RAB15: variants seen among roughly 807,000 people sequenced by gnomAD.
The protein encoded by RAB15 is ras-related protein Rab-15.
Under a neutral mutation model 31.8 loss-of-function variants are expected in RAB15, and 13 were observed. The ratio of observed to expected loss-of-function variants is 0.41; its 90% CI spans 0.27 to 0.65. The LOEUF (loss-of-function observed/expected upper bound fraction) is 0.65, where lower values mean the gene tolerates loss of function less well. Among genes scored for constraint, RAB15 ranks in the 30% least tolerant of loss-of-function variants. RAB15 has a pLI of 0.32. For synonymous variants in RAB15, 100 were observed against 105.6 expected (o/e 0.95, Z 0.33); for missense variants, 220 against 277.3 (o/e 0.79, Z 1.47).
In RAB15 at chr14:64,952,733, G is replaced by A. The variant is rs1291092278; in HGVS notation, c.125-162C>T. 6.6e-6 allele frequency among the ~76,000 whole-genome samples: 1 copy of A among 152,212 alleles called. No individual in the cohort carries two copies. Among genetic ancestry groups the A allele is most frequent in the African/African-American group, 2.4e-5 (1 of 41,452 alleles). ...TTAAGCAGAAACTGACCTTAAGGAA[G>A]TATCTGAAGCTTTGAAAGGGGCTTT... On this transcript the variant is annotated intron_variant, in intron 1 of 6. Coordinates refer to ENST00000533601, the MANE Select transcript of RAB15 (RefSeq NM_001308154.2). The surrounding 1 kb of genome is among the most constrained non-coding windows in gnomAD (Gnocchi z 4.2).
At position 64,950,494 on chromosome 14, in the gene RAB15, CA is replaced by C; in HGVS notation, c.325-81del. 1 of 1,146,090 alleles carries C rather than the reference CA, an allele frequency of 8.7e-7. No individual in the cohort carries two copies. Among genetic ancestry groups the C allele is most frequent in the Non-Finnish European group, 1.3e-6 (1 of 760,324 alleles). 71.0% of individuals were successfully genotyped at this position (1,146,090 alleles called of 1,614,324 possible). On this transcript the variant is annotated intron_variant, in intron 4 of 6. Transcript: ENST00000533601. This position sits in a 1 kb window ranked among gnomAD's most constrained non-coding sequence, Gnocchi z 5.6. Reference sequence around the variant, plus strand: ...TTCCCTACAGAGTCTGCACTGCCTCCAGCCCACCACCAATTCCAGAGCCCTA... The same window carrying C: ...TTCCCTACAGAGTCTGCACTGCCTCCGCCCACCACCAATTCCAGAGCCCTA...
chr14:64,949,519 G>A (rs546351813), intron 5 of RAB15, among the ~76,000 whole-genome samples: 2 of 152,150 alleles, frequency 1.3e-5, no homozygotes, highest in South Asian at 4.2e-4. Context: ...TTAGGAGTTC[G>A]AGACCGGCCT....
In RAB15 at chr14:64,950,523, G is replaced by A. The variant is rs1006489846; in HGVS notation, c.325-109C>T. The A allele has an allele frequency of 5.3e-6, 5 of 943,054 alleles. No individual in the cohort carries two copies. The highest frequency in any genetic ancestry group is 6.9e-6 in the Non-Finnish European group (4 of 583,436). 58.4% of individuals were successfully genotyped at this position (943,054 alleles called of 1,614,324 possible). On this transcript the variant is annotated intron_variant, in intron 4 of 6. Coordinates refer to ENST00000533601, the MANE Select transcript of RAB15 (RefSeq NM_001308154.2). The surrounding 1 kb of genome is among the most constrained non-coding windows in gnomAD (Gnocchi z 5.6). The stretch of plus-strand genomic sequence containing the variant: ...CCACCACCAATTCCAGAGCCCTAGG[G>A]ACAGGGTGGGCCGACTGGATGCAGG...
chr14:64,950,224 A>T lies in RAB15; in HGVS notation c.414+101T>A. 1.1e-6 allele frequency: 1 copy of T among 940,402 alleles called. No homozygotes were observed. Among genetic ancestry groups the T allele is most frequent in the Admixed American group, 1.7e-5 (1 of 58,660 alleles). 58.3% of individuals were successfully genotyped at this position (940,402 alleles called of 1,614,324 possible). A position where few individuals can be genotyped will look rare whatever the true frequency, so the allele number is the denominator to read the frequency against. On this transcript the variant is annotated intron_variant, in intron 5 of 6. Coordinates refer to ENST00000533601, the MANE Select transcript of RAB15 (RefSeq NM_001308154.2). This position sits in a 1 kb window ranked among gnomAD's most constrained non-coding sequence, Gnocchi z 5.6. ...TGGGGTGCTGGGGACGTGTGGGAGG[A>T]CCTGCCACTGGGGAACACACCCCTA...
At chr14:64,949,766 T>TTGGTTA (rs1886143314) in intron 5 of RAB15, among the ~76,000 whole-genome samples, 2 of 147,764 alleles carry the variant, frequency 1.4e-5, no homozygotes, top group Admixed American at 1.3e-4. Context: ...AAATAACCAA[T>TTGGTTA]ATTTCTTTCT....
rs1345369187 is a variant in RAB15 at position 64,948,959 on chromosome 14, G to A, written c.415-226C>T. Among the ~76,000 whole-genome samples, 7 of 152,110 alleles carry A rather than the reference G, an allele frequency of 4.6e-5. No homozygotes were observed. The highest frequency in any genetic ancestry group is 1.2e-4 in the African/African-American group (5 of 41,420). On this transcript the variant is annotated intron_variant, in intron 5 of 6. Transcript: ENST00000533601. This position sits in a 1 kb window ranked among gnomAD's most constrained non-coding sequence, Gnocchi z 7.0. ...TCCATTCTTCCAGCTGCCACCCCACGCCTCCCAACACACAATCATATATCA... is the reference window on the plus strand; with the variant it reads ...TCCATTCTTCCAGCTGCCACCCCACACCTCCCAACACACAATCATATATCA...
At position 64,951,456 on chromosome 14, in the gene RAB15, G is replaced by T; in HGVS notation, c.246+147C>A. ...GGCCATGAACAATGGACGGACAAAT[G>T]ATCAGTGAACAGCTGAAAGACGCCC... is the stretch of plus-strand genomic sequence containing the variant. On this transcript the variant is annotated intron_variant, in intron 3 of 6. Coordinates refer to ENST00000533601, the MANE Select transcript of RAB15 (RefSeq NM_001308154.2). This position sits in a 1 kb window ranked among gnomAD's most constrained non-coding sequence, Gnocchi z 7.2. 1 of 806,494 alleles carries T rather than the reference G, an allele frequency of 1.2e-6. No individual in the cohort carries two copies. The highest frequency in any genetic ancestry group is 2.2e-6 in the Non-Finnish European group (1 of 455,662). The allele number at this position is 806,494 out of a possible 1,614,324, so 50.0% of individuals were successfully genotyped here.
In RAB15 at chr14:64,949,119, A is replaced by G. The variant is rs570700921; in HGVS notation, c.415-386T>C. 2.6e-5 allele frequency among the ~76,000 whole-genome samples: 4 copies of G among 152,282 alleles called. No homozygotes were observed. In the South Asian group the frequency reaches 8.3e-4, roughly 32 times the overall value. On this transcript the variant is annotated intron_variant, in intron 5 of 6. Coordinates refer to ENST00000533601, the MANE Select transcript of RAB15 (RefSeq NM_001308154.2). ...CTGTGTGACCTTGGACAAGTTGTAC[A>G]TTCTCTGTAAGCCCCAGCTTTATCT... is the stretch of plus-strand genomic sequence containing the variant.
At position 64,951,087 on chromosome 14, in the gene RAB15, C is replaced by T. The variant is rs1403900017; in HGVS notation, c.311G>A (p.Ser104Asn). ...RSYQHIMKWV[S>N]DVDEYAPEGV... ...GGCATCTCCTACCTCATCCACGTCA[C>T]TGACCCACTTCATGATGTGCTGGTA... The change falls in exon 4 of 7, where the codon AGT becomes AAT. Residue 104 changes from serine to asparagine, a missense_variant. Physicochemically the swap from Ser to Asn is conservative, Grantham distance 46. Coordinates refer to ENST00000533601, the MANE Select transcript of RAB15 (RefSeq NM_001308154.2). This position sits in a 1 kb window ranked among gnomAD's most constrained non-coding sequence, Gnocchi z 7.2. 3.1e-6 allele frequency: 5 copies of T among 1,613,180 alleles called. No homozygotes were observed. Among genetic ancestry groups the T allele is most frequent in the Non-Finnish European group, 4.2e-6 (5 of 1,180,014 alleles).
rs141652722 is a variant in RAB15 at position 64,951,477 on chromosome 14, C to T, written c.246+126G>A. ...AAATGATCAGTGAACAGCTGAAAGA[C>T]GCCCTGCGCTCCTCCAAGCAGGCGA... On this transcript the variant is annotated intron_variant, in intron 3 of 6. Transcript: ENST00000533601. The surrounding 1 kb of genome is among the most constrained non-coding windows in gnomAD (Gnocchi z 7.2). 222 of 880,868 alleles carry T rather than the reference C, an allele frequency of 2.5e-4. 2 individuals carry two copies. In the African/African-American group the frequency reaches 2.7e-3, roughly 11 times the overall value. The allele number at this position is 880,868 out of a possible 1,614,324, so 54.6% of individuals were successfully genotyped here. A position where few individuals can be genotyped will look rare whatever the true frequency, so the allele number is the denominator to read the frequency against.
chr14:64,964,062 C>T (rs549287153), intron 1 of RAB15, among the ~76,000 whole-genome samples: 1 of 152,316 alleles, frequency 6.6e-6, no homozygotes, highest in South Asian at 2.1e-4. Flanking sequence ...CAGACTCTCA[C>T]TGCCTGGCAG....
rs1371457992 is a variant in RAB15 at position 64,946,042 on chromosome 14, G to A, written c.*2312C>T. On this transcript the variant is annotated 3_prime_UTR_variant, in exon 7 of 7. Transcript: ENST00000533601. ...CCAGCAGAGCCTGGTTAACAGTCTG[G>A]GCCTCAAGACATGCCCCAGGCCACC... 1.3e-5 allele frequency: 2 copies of A among 152,514 alleles called. No individual in the cohort carries two copies. The highest frequency in any genetic ancestry group is 2.9e-5 in the Non-Finnish European group (2 of 68,036). 9.4% of individuals were successfully genotyped at this position (152,514 alleles called of 1,614,324 possible).
At position 64,971,004 on chromosome 14, in the gene RAB15, A is replaced by G. The variant is rs1887386783; in HGVS notation, c.124+949T>C. The stretch of plus-strand genomic sequence containing the variant: ...GAGCATTCCAAATGGATGACCAGCC[A>G]GCCAGCAGGTGTTTCCAGGGGCCTG... On this transcript the variant is annotated intron_variant, in intron 1 of 6. Transcript: ENST00000533601. The surrounding 1 kb of genome is among the most constrained non-coding windows in gnomAD (Gnocchi z 4.1). Among the ~76,000 whole-genome samples, 2 of 152,192 alleles carry G rather than the reference A, an allele frequency of 1.3e-5. No homozygotes were observed. The highest frequency in any genetic ancestry group is 4.1e-4 in the South Asian group (2 of 4,830).
Position 64,948,520 on chromosome 14 carries a change from C to G in RAB15, c.481-8G>C, listed in dbSNP as rs768549070. 6.2e-7 allele frequency: 1 copy of G among 1,603,998 alleles called. No homozygotes were observed. Among genetic ancestry groups the G allele is most frequent in the Non-Finnish European group, 8.5e-7 (1 of 1,174,870 alleles). ...TGTCAGACGCGTGAATGACTGGAAA[C>G]CAAAGGGCACAGGTTAGTCCAGTGT... On this transcript the variant is annotated splice_polypyrimidine_tract_variant and splice_region_variant and intron_variant, in intron 6 of 6. Coordinates refer to ENST00000533601, the MANE Select transcript of RAB15 (RefSeq NM_001308154.2). The surrounding 1 kb of genome is among the most constrained non-coding windows in gnomAD (Gnocchi z 7.0).
In RAB15 at chr14:64,951,509, T is replaced by G. The variant is rs560853182; in HGVS notation, c.246+94A>C. The stretch of plus-strand genomic sequence containing the variant: ...CGCTCCTCCAAGCAGGCGAACTGTA[T>G]TTAGGGGATCCGTGGCACAGACATC... On this transcript the variant is annotated intron_variant, in intron 3 of 6. Coordinates refer to ENST00000533601, the MANE Select transcript of RAB15 (RefSeq NM_001308154.2). The surrounding 1 kb of genome is among the most constrained non-coding windows in gnomAD (Gnocchi z 7.2). The G allele has an allele frequency of 8.6e-7, 1 of 1,158,320 alleles. No homozygotes were observed. The highest frequency in any genetic ancestry group is 2.3e-5 in the East Asian group (1 of 42,808). The allele number at this position is 1,158,320 out of a possible 1,614,324, so 71.8% of individuals were successfully genotyped here. A position where few individuals can be genotyped will look rare whatever the true frequency, so the allele number is the denominator to read the frequency against.
chr14:64,948,729 G>A lies in RAB15; in HGVS notation c.419C>T (p.Ala140Val), dbSNP rs1886062952. The A allele has an allele frequency of 3.1e-6, 5 of 1,613,544 alleles. No homozygotes were observed. Among genetic ancestry groups the A allele is most frequent in the Non-Finnish European group, 4.2e-6 (5 of 1,179,742 alleles). The change falls in exon 6 of 7, where the codon GCG becomes GTG. Residue 140 changes from alanine (A) to valine (V), a missense_variant. Physicochemically the swap from Ala to Val is moderately conservative, Grantham distance 64. Transcript: ENST00000533601. This position sits in a 1 kb window ranked among gnomAD's most constrained non-coding sequence, Gnocchi z 7.0. The stretch of plus-strand genomic sequence containing the variant: ...ATAGAAGTCCATGCCATACTCCTTC[G>A]CCAGCTGCAAGAGAAGGACATTTCT... The part of the protein sequence containing the change: ...QVGREQGQQL[A>V]KEYGMDFYET...
rs1292362807 is a variant in RAB15 at position 64,972,096 on chromosome 14, G to A, written c.-20C>T. On this transcript the variant is annotated 5_prime_UTR_variant, in exon 1 of 7. Coordinates refer to ENST00000533601, the MANE Select transcript of RAB15 (RefSeq NM_001308154.2). This position sits in a 1 kb window ranked among gnomAD's most constrained non-coding sequence, Gnocchi z 6.3. ...CGCCATGACTGGGGCCAGCGGGGCC[G>A]GGAACTGCGGGCGGGCAGCGGGCTC... 1 of 1,579,938 alleles carries A rather than the reference G, an allele frequency of 6.3e-7. No homozygotes were observed. The highest frequency in any genetic ancestry group is 8.6e-7 in the Non-Finnish European group (1 of 1,166,444).
At chr14:64,966,898 C>T (rs138842580) in intron 1 of RAB15, among the ~76,000 whole-genome samples, 13 of 152,286 alleles carry the variant, frequency 8.5e-5, no homozygotes, top group African/African-American at 2.2e-4. Context: ...CCTCTCACAA[C>T]GTCACACTGC....
rs1009798079 is a variant in RAB15 at position 64,962,137 on chromosome 14, C to A, written c.125-9566G>T. Among the ~76,000 whole-genome samples the A allele has an allele frequency of 6.6e-6, 1 of 152,014 alleles. No homozygotes were observed. The highest frequency in any genetic ancestry group is 1.9e-4 in the East Asian group (1 of 5,166). The stretch of plus-strand genomic sequence containing the variant: ...GGCTGAGGCATGAGAATCGCTTGAA[C>A]CTGGGAGGCGGAAGTTGCAGTGAGC... On this transcript the variant is annotated intron_variant, in intron 1 of 6. Transcript: ENST00000533601. The surrounding 1 kb of genome is among the most constrained non-coding windows in gnomAD (Gnocchi z 4.2).
Sources: allele counts gnomAD v4.1 joint callset (sites outside exome capture counted in the v4.1 genomes callset), GRCh38; gene constraint gnomAD v4.1.1; non-coding constraint Gnocchi (gnomAD v3.1); transcripts MANE v1.5; gene names NCBI Gene and HGNC (gene_info 2026-07-23, HGNC 2026-07-21).